Variants in STXBP5L observed in about 807,000 individuals in gnomAD.
STXBP5L encodes syntaxin binding protein 5L.
STXBP5L carries 65 observed loss-of-function variants against 144.5 expected under a neutral mutation model. The observed-to-expected ratio is 0.45, with a 90% confidence interval of 0.37 to 0.55. STXBP5L has a LOEUF of 0.55. Ranked by LOEUF, STXBP5L falls within the 20% of genes least tolerant of loss-of-function variation. The pLI is 0.00. For missense variants in STXBP5L, 1,298 were observed against 1,405.5 expected (o/e 0.92, Z 1.22); for synonymous variants, 505 against 469.6 (o/e 1.08, Z -0.97).
chr3:121,167,867 C>T (rs2046558708), intron 9 of STXBP5L, among the ~76,000 whole-genome samples: 1 of 152,204 alleles, frequency 6.6e-6, no homozygotes, highest in Admixed American at 6.5e-5. Flanking sequence ...GGGTCCCTGA[C>T]CCCCATGCCT....
At chr3:121,117,794 T>G (rs543378925) in intron 6 of STXBP5L, among the ~76,000 whole-genome samples, 1 of 151,830 alleles carries the variant, frequency 6.6e-6, no homozygotes. Context: ...AGAGTATGAA[T>G]AGTTGGGTTT....
At chr3:121,334,436 C>T (rs1302746794) in intron 20 of STXBP5L, among the ~76,000 whole-genome samples, 1 of 139,470 alleles carries the variant, frequency 7.2e-6, no homozygotes, top group African/African-American at 2.6e-5. Flanking sequence ...GGCAGGGACA[C>T]AACAACAAAA....
At chr3:121,219,290 C>T (rs1035592765) in intron 10 of STXBP5L, among the ~76,000 whole-genome samples, 1 of 152,124 alleles carries the variant, frequency 6.6e-6, no homozygotes, top group African/African-American at 2.4e-5. Context: ...AGCTATATCC[C>T]TGCTCCAACT....
At chr3:121,261,025 G>A (rs2050366111) in intron 18 of STXBP5L, among the ~76,000 whole-genome samples, 1 of 152,128 alleles carries the variant, frequency 6.6e-6, no homozygotes, top group African/African-American at 2.4e-5. Flanking sequence ...TCTAGCCCAA[G>A]TAATTACTGT....
chr3:121,009,962 C>T (rs1258702596), intron 3 of STXBP5L, among the ~76,000 whole-genome samples: 1 of 151,870 alleles, frequency 6.6e-6, no homozygotes, highest in Non-Finnish European at 1.5e-5. Context: ...AACACATCAA[C>T]AGTTGCACAC....
intron 9 of STXBP5L, among the ~76,000 whole-genome samples, chr3:121,199,939 A>G (rs913577250): frequency 6.6e-6 from 1 of 151,810 alleles, no homozygotes; most frequent in African/African-American, 2.4e-5. Flanking sequence ...TTGGCCTGAA[A>G]TTTTCTTTTT....
chr3:120,974,629 C>T (rs565758723), intron 3 of STXBP5L, among the ~76,000 whole-genome samples: 3 of 152,264 alleles, frequency 2.0e-5, no homozygotes, highest in African/African-American at 7.2e-5. Context: ...TGCCTATGTC[C>T]TGAATGTTAA....
At chr3:121,123,445 G>C (rs1042593730) in intron 7 of STXBP5L, among the ~76,000 whole-genome samples, 5 of 151,634 alleles carry the variant, frequency 3.3e-5, no homozygotes, top group Admixed American at 6.6e-5. Flanking sequence ...ACTGTGGAAT[G>C]CTGTGTTGAT....
At chr3:121,045,411 T>A in intron 4 of STXBP5L, 24 bp from the exon 5 acceptor site, 1 of 1,587,990 alleles carries the variant, frequency 6.3e-7, no homozygotes, top group Non-Finnish European at 8.6e-7. Flanking sequence ...ATCACACACT[T>A]ACTTTATCTT....
At chr3:121,288,374 G>A (rs1577372022) in intron 19 of STXBP5L, among the ~76,000 whole-genome samples, 1 of 152,174 alleles carries the variant, frequency 6.6e-6, no homozygotes, top group African/African-American at 2.4e-5. Context: ...GGATTGCTGG[G>A]TTGAGTGATA....
chr3:121,347,555 G>T (rs569287738), intron 20 of STXBP5L, among the ~76,000 whole-genome samples: 5 of 152,160 alleles, frequency 3.3e-5, no homozygotes, highest in Non-Finnish European at 5.9e-5. Context: ...GGGCAGTATG[G>T]CCATTTTCAC....
At chr3:121,108,380 A>G (rs114442126) in intron 5 of STXBP5L, among the ~76,000 whole-genome samples, 8,008 of 152,200 alleles carry the variant, frequency 0.053, 310 homozygotes, top group Middle Eastern at 0.092. Context: ...ATTTTGAGTT[A>G]TGTTCCATCA....
chr3:121,061,415 G>A (rs2041271426), intron 5 of STXBP5L, among the ~76,000 whole-genome samples: 1 of 152,206 alleles, frequency 6.6e-6, no homozygotes, highest in Non-Finnish European at 1.5e-5. Flanking sequence ...TTTAGAATAA[G>A]TATGATGTGG....
intron 20 of STXBP5L, among the ~76,000 whole-genome samples, chr3:121,374,169 C>T (rs1384701374): frequency 1.3e-5 from 2 of 152,158 alleles, no homozygotes; most frequent in Non-Finnish European, 2.9e-5. Context: ...GCAGCCTATG[C>T]CACTAAGGAA....
chr3:121,151,631 A>T (rs1331672839), intron 7 of STXBP5L, among the ~76,000 whole-genome samples: 2 of 152,134 alleles, frequency 1.3e-5, no homozygotes, highest in Non-Finnish European at 2.9e-5. Context: ...GAGGAATACT[A>T]CTAATGTATT....
rs73855345 is a variant in STXBP5L, at chr3:121,163,877, G to A, written c.877+6250G>A. On this transcript the variant is annotated intron_variant, in intron 9 of 26. Coordinates refer to ENST00000471454, the MANE Select transcript of STXBP5L (RefSeq NM_001308330.2). The stretch of plus-strand genomic sequence containing the variant: ...CTAGAAACTCTGAGAGATAAGTGAC[G>A]ATAGATTTTGTTCTAAATTTTCTGC... Among the ~76,000 whole-genome samples, 1,199 of 152,054 alleles carry A rather than the reference G, an allele frequency of 7.9e-3. 13 individuals carry two copies. The highest frequency in any genetic ancestry group is 0.028 in the African/African-American group (1,156 of 41,484).
intron 2 of STXBP5L, among the ~76,000 whole-genome samples, chr3:120,940,882 G>A (rs1179098909): frequency 6.6e-6 from 1 of 151,452 alleles, no homozygotes; most frequent in East Asian, 1.9e-4. Context: ...ATAATTTGAT[G>A]TGTTTCTTTG....
At chr3:120,964,769 T>C (rs1343697256) in intron 3 of STXBP5L, among the ~76,000 whole-genome samples, 1 of 152,218 alleles carries the variant, frequency 6.6e-6, no homozygotes, top group Non-Finnish European at 1.5e-5. Context: ...TGGAGAGTTC[T>C]GTAGATGTCT....
chr3:121,005,466 C>G (rs914358662), intron 3 of STXBP5L, among the ~76,000 whole-genome samples: 1 of 152,012 alleles, frequency 6.6e-6, no homozygotes, highest in African/African-American at 2.4e-5. Flanking sequence ...GTCATGCTAG[C>G]GGTCTATCAA....
Sources: allele counts gnomAD v4.1 joint callset (sites outside exome capture counted in the v4.1 genomes callset), GRCh38; gene constraint gnomAD v4.1.1; transcripts MANE v1.5; gene names NCBI Gene and HGNC (gene_info 2026-07-23, HGNC 2026-07-21).